ARFIP1: variants seen among roughly 807,000 people sequenced by gnomAD.
The protein encoded by ARFIP1 is ARF interacting protein 1.
A neutral mutation model predicts 42.5 loss-of-function variants in ARFIP1; 24 were observed. The ratio of observed to expected loss-of-function variants is 0.57; its 90% CI spans 0.41 to 0.80. The LOEUF (loss-of-function observed/expected upper bound fraction) is 0.80. Ranked by LOEUF, ARFIP1 falls within the 30% of genes least tolerant of loss-of-function variation. The pLI, the probability that ARFIP1 is intolerant of heterozygous loss-of-function variation, is 0.00. For missense variants in ARFIP1, 354 were observed against 434.0 expected, an observed-to-expected ratio of 0.82 and a Z score of 1.64; for synonymous variants, 141 against 153.7, an observed-to-expected ratio of 0.92 and a Z score of 0.61.
chr4:152,898,338 A>C (rs1199783872), intron 8 of ARFIP1, among the ~76,000 whole-genome samples: 1 of 152,126 alleles, frequency 6.6e-6, no homozygotes, highest in Non-Finnish European at 1.5e-5. Context: ...CAGCGTTTTC[A>C]TGTTGACCAT....
intron 1 of ARFIP1, among the ~76,000 whole-genome samples, chr4:152,813,118 G>GA (rs1729597042): frequency 6.6e-6 from 1 of 152,088 alleles, no homozygotes; most frequent in Non-Finnish European, 1.5e-5. Flanking sequence ...ATTTGAGGGG[G>GA]AAAAACAATA....
chr4:152,815,052 C>G (rs1015699954), intron 1 of ARFIP1, among the ~76,000 whole-genome samples: 1 of 152,166 alleles, frequency 6.6e-6, no homozygotes, highest in African/African-American at 2.4e-5. Context: ...TCCTCAGAAG[C>G]CCCCTGTTAT....
chr4:152,795,672 C>G (rs1010533921), intron 1 of ARFIP1, among the ~76,000 whole-genome samples: 1 of 152,050 alleles, frequency 6.6e-6, no homozygotes, highest in African/African-American at 2.4e-5. Flanking sequence ...GTGCCTGTTT[C>G]CCTTACATCC....
At chr4:152,875,714 C>CTT (rs61013994) in intron 5 of ARFIP1, among the ~76,000 whole-genome samples, 36 of 139,702 alleles carry the variant, frequency 2.6e-4, no homozygotes, top group Middle Eastern at 3.8e-3. Context: ...TATCTTTATT[C>CTT]TTTTTTTTTT....
chr4:152,833,731 A>G (rs541103486), intron 2 of ARFIP1, among the ~76,000 whole-genome samples: 4 of 152,242 alleles, frequency 2.6e-5, no homozygotes, highest in Non-Finnish European at 5.9e-5. Flanking sequence ...TTGTAACAGC[A>G]TAGGTGAACC....
At chr4:152,874,048 A>G (rs1451977715) in intron 5 of ARFIP1, among the ~76,000 whole-genome samples, 2 of 152,164 alleles carry the variant, frequency 1.3e-5, no homozygotes, top group Admixed American at 6.5e-5. Flanking sequence ...TACTAGACTG[A>G]GCAAGTTTAA....
intron 1 of ARFIP1, among the ~76,000 whole-genome samples, chr4:152,786,209 C>T (rs182702222): frequency 7.0e-4 from 107 of 152,316 alleles, no homozygotes; most frequent in African/African-American, 2.5e-3. Flanking sequence ...TCATTAAGGG[C>T]ATGAGTGTTT....
At chr4:152,815,055 CCT>C (rs963134907) in intron 1 of ARFIP1, among the ~76,000 whole-genome samples, 2 of 152,168 alleles carry the variant, frequency 1.3e-5, no homozygotes, top group African/African-American at 4.8e-5. Flanking sequence ...TCAGAAGCCC[CCT>C]GTTATGTTTC....
chr4:152,858,341 A>G (rs1284499898), intron 2 of ARFIP1, among the ~76,000 whole-genome samples: 1 of 152,154 alleles, frequency 6.6e-6, no homozygotes, highest in Non-Finnish European at 1.5e-5. Context: ...TCCATAGCTC[A>G]GGCAGTACTT....
intron 2 of ARFIP1, among the ~76,000 whole-genome samples, chr4:152,860,891 G>A (rs1214914316): frequency 6.6e-6 from 1 of 152,168 alleles, no homozygotes; most frequent in African/African-American, 2.4e-5. Context: ...TACAAATGTT[G>A]TTAATAGACA....
chr4:152,792,931 CT>C (rs1323601016), intron 1 of ARFIP1, among the ~76,000 whole-genome samples: 3 of 152,090 alleles, frequency 2.0e-5, no homozygotes, highest in Non-Finnish European at 4.4e-5. Flanking sequence ...TTCTTACACT[CT>C]TTTGTTAGCA....
intron 2 of ARFIP1, among the ~76,000 whole-genome samples, chr4:152,850,342 G>T (rs1412381562): frequency 6.6e-6 from 1 of 152,136 alleles, no homozygotes; most frequent in Non-Finnish European, 1.5e-5. Context: ...CCACCAACAT[G>T]CAAAAGGTTA....
chr4:152,831,524 G>T (rs115971082), intron 2 of ARFIP1, among the ~76,000 whole-genome samples: 5 of 152,078 alleles, frequency 3.3e-5, no homozygotes, highest in Admixed American at 6.5e-5. Flanking sequence ...GAGAACTACC[G>T]CTCAGATAAA....
At chr4:152,799,816 A>G (rs1731693205) in intron 1 of ARFIP1, among the ~76,000 whole-genome samples, 1 of 152,188 alleles carries the variant, frequency 6.6e-6, no homozygotes. Flanking sequence ...GGATTCATAA[A>G]AATAAATGAA....
intron 8 of ARFIP1, among the ~76,000 whole-genome samples, chr4:152,908,053 T>G (rs1251174516): frequency 6.6e-6 from 1 of 152,210 alleles, no homozygotes; most frequent in Non-Finnish European, 1.5e-5. Context: ...GGGTATAAAG[T>G]GGTGTCACAT....
chr4:152,872,158 G>A (rs959866620), intron 4 of ARFIP1, among the ~76,000 whole-genome samples: 15 of 152,026 alleles, frequency 9.9e-5, no homozygotes, highest in Middle Eastern at 6.8e-3. Context: ...TGAAGTAAGC[G>A]GCAGCTTATA....
chr4:152,877,660 GGTTGTGTCCTCACCCAAATCTCAACTTGA>G (rs1163638409), intron 5 of ARFIP1, among the ~76,000 whole-genome samples: 29 of 152,082 alleles, frequency 1.9e-4, no homozygotes, highest in Admixed American at 1.9e-3. Flanking sequence ...GATATGGTTT[GGTTGTGTCCTCACCCAAATCTCAACTTGA>G]GTTGTATCTC....
intron 3 of ARFIP1, among the ~76,000 whole-genome samples, chr4:152,866,124 G>A (rs1157828913): frequency 6.6e-6 from 1 of 151,960 alleles, no homozygotes; most frequent in African/African-American, 2.4e-5. Context: ...ATCTTGCACC[G>A]CCCTTAATCC....
chr4:152,874,500 T>C (rs1735157785), intron 5 of ARFIP1, among the ~76,000 whole-genome samples: 1 of 152,212 alleles, frequency 6.6e-6, no homozygotes, highest in Admixed American at 6.5e-5. Context: ...AAGTTCATAG[T>C]GTAATGACCT....
Sources: allele counts gnomAD v4.1 joint callset (sites outside exome capture counted in the v4.1 genomes callset), GRCh38; gene constraint gnomAD v4.1.1; transcripts MANE v1.5; gene names NCBI Gene and HGNC (gene_info 2026-07-23, HGNC 2026-07-21).